The following POLB variants were observed in gnomAD, a reference collection of about 807,000 sequenced individuals.
The protein encoded by POLB is DNA polymerase beta, also known as 5'-dRP lyase.
In POLB, 37 loss-of-function variants were observed where a neutral mutation model predicts 52.7. The ratio of observed to expected loss-of-function variants is 0.70; its 90% CI spans 0.54 to 0.92. The LOEUF (loss-of-function observed/expected upper bound fraction) is 0.92. Ranked by LOEUF, POLB falls within the 40% of genes least tolerant of loss-of-function variation. The probability of loss-of-function intolerance (pLI) is 0.00; values close to 1 mark genes in which losing one functional copy is unlikely to be tolerated. For synonymous variants in POLB, 138 were observed against 131.3 expected, an observed-to-expected ratio of 1.05 and a Z score of -0.35; for missense variants, 313 against 400.8, an observed-to-expected ratio of 0.78 and a Z score of 1.87.
intron 8 of POLB, 35 bp downstream of exon 8, chr8:42,357,258 T>C (rs1823373686): frequency 6.9e-7 from 1 of 1,444,836 alleles, no homozygotes. Context: ...TTGATTAGAA[T>C]TGAGAGTGTC....
rs1280773306 is a variant in POLB, at chr8:42,369,956, A to T, written c.881A>T (p.Asn294Ile). ...AHALEKGFTI[N>I]EYTIRPLGVT... ...GCCCTAGAAAAGGGTTTCACAATCA[A>T]TGAGTACACCATCCGTCCCTTGGGA... The change falls in exon 13 of 14, where the codon AAT becomes ATT. Residue 294 changes from asparagine to isoleucine, a missense_variant. Asn to Ile is a moderately radical substitution (Grantham distance 149). Coordinates refer to ENST00000265421, the MANE Select transcript of POLB (RefSeq NM_002690.3). The T allele has an allele frequency of 6.2e-7, 1 of 1,610,574 alleles. No homozygotes were observed. Among genetic ancestry groups the T allele is most frequent in the East Asian group, 2.2e-5 (1 of 44,860 alleles).
At chr8:42,342,842 T>A (rs1468787846) in intron 2 of POLB, among the ~76,000 whole-genome samples, 2 of 151,658 alleles carry the variant, frequency 1.3e-5, no homozygotes, top group African/African-American at 2.4e-5. Flanking sequence ...TAAAAAAAAA[T>A]AAATTGATAT....
intron 2 of POLB, chr8:42,341,829 C>G: frequency 1.8e-6 from 1 of 555,094 alleles, no homozygotes; most frequent in Non-Finnish European, 3.4e-6. Flanking sequence ...GCTATGCGAT[C>G]TTTCTTCTGA....
Position 42,369,330 on chromosome 8 carries a change from T to C in POLB, c.768T>C (p.Asp256=), listed in dbSNP as rs1361292593. 6.4e-7 allele frequency: 1 copy of C among 1,565,454 alleles called. No individual in the cohort carries two copies. Among genetic ancestry groups the C allele is most frequent in the African/African-American group, 1.4e-5 (1 of 73,896 alleles). The part of the protein sequence containing the change: ...DEKEYPHRRI[D]IRLIPKDQYY... Reference sequence around the variant, plus strand: ...AAGAATATCCACACAGAAGAATTGATATCAGGTATTGTTCAGACTTTGTTG... The same window carrying C: ...AAGAATATCCACACAGAAGAATTGACATCAGGTATTGTTCAGACTTTGTTG... Residue 256 remains aspartate, a synonymous_variant, in exon 12 of 14, where the codon GAT becomes GAC. Transcript: ENST00000265421.
At chr8:42,366,957 G>C (rs1188703858) in intron 11 of POLB, among the ~76,000 whole-genome samples, 1 of 152,204 alleles carries the variant, frequency 6.6e-6, no homozygotes, top group African/African-American at 2.4e-5. Flanking sequence ...ACAAATATAA[G>C]ATGTCATCTG....
intron 11 of POLB, among the ~76,000 whole-genome samples, chr8:42,363,292 G>T (rs1823829003): frequency 6.6e-6 from 1 of 151,742 alleles, no homozygotes; most frequent in South Asian, 2.1e-4. Context: ...TCTTTGGGAG[G>T]CCGAGGTCAG....
At chr8:42,370,287 T>C in intron 13 of POLB, 1 of 419,854 alleles carries the variant, frequency 2.4e-6, no homozygotes, top group South Asian at 1.9e-5. Context: ...TTTTTTTTGC[T>C]GTTGTTTAAT....
chr8:42,362,436 G>A (rs575154465), intron 10 of POLB, among the ~76,000 whole-genome samples, 176 bp from the exon 11 acceptor site: 1 of 152,130 alleles, frequency 6.6e-6, no homozygotes, highest in East Asian at 1.9e-4. Flanking sequence ...TGAGGTGGGA[G>A]GATCACTTGA....
rs1004030227 is a variant in POLB at position 42,361,539 on chromosome 8, A to G, written c.621+174A>G. ...GGCAAATTTCTCGAAAAGGATACCTATTATTCTTCCATGAGTTGCTGGGAG... is the reference window on the plus strand; with the variant it reads ...GGCAAATTTCTCGAAAAGGATACCTGTTATTCTTCCATGAGTTGCTGGGAG... On this transcript the variant is annotated intron_variant, in intron 10 of 13. Coordinates refer to ENST00000265421, the MANE Select transcript of POLB (RefSeq NM_002690.3). 4 of 598,954 alleles carry G rather than the reference A, an allele frequency of 6.7e-6. No homozygotes were observed. In the East Asian group the frequency reaches 8.4e-5, roughly 13 times the overall value. The allele number at this position is 598,954 out of a possible 1,614,324, so 37.1% of individuals were successfully genotyped here.
intron 2 of POLB, 40 bp downstream of exon 2, chr8:42,339,109 G>T: frequency 6.7e-7 from 1 of 1,496,640 alleles, no homozygotes; most frequent in South Asian, 1.1e-5. Context: ...TACGTTCTGG[G>T]ATACCCTGTT....
chr8:42,366,515 T>TC (rs1824048060), intron 11 of POLB, among the ~76,000 whole-genome samples: 1 of 152,214 alleles, frequency 6.6e-6, no homozygotes, highest in Non-Finnish European at 1.5e-5. Flanking sequence ...GTTTGGATGT[T>TC]ATACCTGTGG....
chr8:42,357,169 A>G lies in POLB; in HGVS notation c.423A>G (p.Lys141=), dbSNP rs1294568654. ...TTGTCTACTTATTCTGTCTTTATAG[A>G]TATTTTGGGGACTTTGAAAAAAGAA... ...KLNHHQRIGL[K]YFGDFEKRIP... is the part of the protein sequence containing the mutation. The change falls in exon 8 of 14, where the codon AAA becomes AAG. Residue 141 remains lysine (K), a splice_region_variant and synonymous_variant. Transcript: ENST00000265421. The G allele has an allele frequency of 2.0e-6, 3 of 1,504,652 alleles. No homozygotes were observed. The highest frequency in any genetic ancestry group is 1.4e-5 in the African/African-American group (1 of 72,680). The allele number at this position is 1,504,652 out of a possible 1,614,324, so 93.2% of individuals were successfully genotyped here.
chr8:42,349,496 C>T lies in POLB; in HGVS notation c.261+406C>T, dbSNP rs369782375. On this transcript the variant is annotated intron_variant, in intron 4 of 13. Transcript: ENST00000265421. ...CTCCGCCTCCTGGGTTCATGCCATTCTCCTGCCTCAGCCTCCTGAGTAGCT... is the reference window on the plus strand; with the variant it reads ...CTCCGCCTCCTGGGTTCATGCCATTTTCCTGCCTCAGCCTCCTGAGTAGCT... 1.1e-4 allele frequency among the ~76,000 whole-genome samples: 17 copies of T among 152,324 alleles called. No individual in the cohort carries two copies. In the East Asian group the frequency reaches 3.1e-3, roughly 28 times the overall value.
chr8:42,357,350 G>A lies in POLB; in HGVS notation c.508G>A (p.Asp170Asn), dbSNP rs1174165760. The A allele has an allele frequency of 1.3e-5, 20 of 1,580,254 alleles. No individual in the cohort carries two copies. The highest frequency in any genetic ancestry group is 1.7e-5 in the Non-Finnish European group (20 of 1,149,662). ...DIVLNEVKKVDSEYIATVCGS... is the reference protein window; with the variant it reads ...DIVLNEVKKVNSEYIATVCGS... ...TGTACTAAATGAAGTTAAAAAAGTGGATTCTGAATACATTGCTACAGTCTG... is the reference window on the plus strand; with the variant it reads ...TGTACTAAATGAAGTTAAAAAAGTGAATTCTGAATACATTGCTACAGTCTG... The change falls in exon 9 of 14, where the codon GAT becomes AAT. Residue 170 changes from aspartate to asparagine, a missense_variant. Coordinates refer to ENST00000265421, the MANE Select transcript of POLB (RefSeq NM_002690.3).
chr8:42,351,338 A>G (rs947199105), intron 5 of POLB, among the ~76,000 whole-genome samples: 8 of 152,362 alleles, frequency 5.3e-5, no homozygotes, highest in Middle Eastern at 3.4e-3. Context: ...ATCAGTTTCT[A>G]TATCACAATA....
rs767352420 is a variant in POLB at position 42,349,084 on chromosome 8, G to A, written c.255G>A (p.Leu85=). Residue 85 remains leucine, a synonymous_variant, in exon 4 of 14, where the codon CTG becomes CTA. Transcript: ENST00000265421. ...TAGCAACTGGAAAATTACGTAAACT[G>A]GAAAAGGTAAAATTTTAACTTGTTT... is the stretch of plus-strand genomic sequence containing the variant. ...EFLATGKLRK[L]EKIRQDDTSS... 10 of 1,581,912 alleles carry A rather than the reference G, an allele frequency of 6.3e-6. No homozygotes were observed. Among genetic ancestry groups the A allele is most frequent in the Non-Finnish European group, 2.6e-6 (3 of 1,152,674 alleles).
chr8:42,370,892 C>T (rs1292826286), intron 13 of POLB, among the ~76,000 whole-genome samples: 5 of 152,294 alleles, frequency 3.3e-5, no homozygotes, highest in South Asian at 4.1e-4. Context: ...ATGCAGCTGG[C>T]GGGCCATGGT....
rs1031438920 is a variant in POLB at position 42,361,734 on chromosome 8, T to A, written c.621+369T>A. ...AGAAAACCTGTGAAGGCAAAACATT[T>A]TTTATTTTAGAATATATGCCTTTGG... On this transcript the variant is annotated intron_variant, in intron 10 of 13. Coordinates refer to ENST00000265421, the MANE Select transcript of POLB (RefSeq NM_002690.3). 3.4e-5 allele frequency: 6 copies of A among 179,010 alleles called. No homozygotes were observed. The Admixed American group carries it at 3.4e-4, about 10-fold the overall frequency. 11.1% of individuals were successfully genotyped at this position (179,010 alleles called of 1,614,324 possible).
At chr8:42,348,719 TATTTGCTAA>T (rs1822782172) in intron 3 of POLB, among the ~76,000 whole-genome samples, 1 of 152,234 alleles carries the variant, frequency 6.6e-6, no homozygotes, top group South Asian at 2.1e-4. Flanking sequence ...ACCTGTAGGG[TATTTGCTAA>T]TTAAATTATT....
Sources: allele counts gnomAD v4.1 joint callset (sites outside exome capture counted in the v4.1 genomes callset), GRCh38; gene constraint gnomAD v4.1.1; transcripts MANE v1.5; gene names NCBI Gene and HGNC (gene_info 2026-07-23, HGNC 2026-07-21).